SEMA6D: variants seen among roughly 807,000 people sequenced by gnomAD.
SEMA6D encodes semaphorin 6D.
Under a neutral mutation model 106.6 loss-of-function variants are expected in SEMA6D, and 35 were observed. The ratio of observed to expected loss-of-function variants is 0.33; its 90% CI spans 0.25 to 0.44. The LOEUF is 0.44. Among genes scored for constraint, SEMA6D ranks in the 20% least tolerant of loss-of-function variants. The pLI, the probability that SEMA6D is intolerant of heterozygous loss-of-function variation, is 1.00. For missense variants in SEMA6D, 1,185 were observed against 1,345.9 expected, an observed-to-expected ratio of 0.88 and a Z score of 1.87; for synonymous variants, 499 against 487.7, an observed-to-expected ratio of 1.02 and a Z score of -0.31.
chr15:47,637,015 A>T, intron 4 of SEMA6D, among the ~76,000 whole-genome samples: 1 of 152,180 alleles, frequency 6.6e-6, no homozygotes, highest in East Asian at 1.9e-4. Context: ...TTATGTGGAC[A>T]TAAGTGTGAT....
intron 1 of SEMA6D, among the ~76,000 whole-genome samples, chr15:47,363,120 G>T (rs1198643170): frequency 1.3e-5 from 2 of 152,012 alleles, no homozygotes; most frequent in Non-Finnish European, 2.9e-5. Flanking sequence ...CTGTAACTCA[G>T]CTTATCCTTA....
chr15:47,609,066 A>G (rs1242545793), intron 4 of SEMA6D, among the ~76,000 whole-genome samples: 3 of 152,178 alleles, frequency 2.0e-5, no homozygotes, highest in Non-Finnish European at 4.4e-5. Flanking sequence ...ACTCAATACA[A>G]TAGCTTAAAG....
chr15:47,546,289 C>G (rs377001101), intron 3 of SEMA6D, among the ~76,000 whole-genome samples: 1 of 152,108 alleles, frequency 6.6e-6, no homozygotes, highest in Non-Finnish European at 1.5e-5. Flanking sequence ...CCATTTTATC[C>G]TTTGGGAATC....
At chr15:47,538,073 G>C (rs1340067055) in intron 3 of SEMA6D, among the ~76,000 whole-genome samples, 2 of 152,146 alleles carry the variant, frequency 1.3e-5, no homozygotes, top group African/African-American at 4.8e-5. Context: ...AAGCTTGAGA[G>C]CATTACACAG....
chr15:47,393,488 G>A (rs2040108233), intron 1 of SEMA6D: 1 of 152,224 alleles, frequency 6.6e-6, no homozygotes, highest in South Asian at 2.1e-4. Flanking sequence ...GCCATTATCT[G>A]TTGGGGTGAC....
At chr15:47,610,811 A>G (rs16959825) in intron 4 of SEMA6D, among the ~76,000 whole-genome samples, 35,815 of 152,210 alleles carry the variant, frequency 0.24, 5,199 homozygotes, top group East Asian at 0.46. Context: ...AATGCCCAAC[A>G]TGATTGTTTC....
rs367628713 is a variant in SEMA6D at position 47,675,682 on chromosome 15, A to G, written c.-55+74786A>G. Among the ~76,000 whole-genome samples the G allele has an allele frequency of 5.9e-5, 9 of 152,350 alleles. No individual in the cohort carries two copies. The East Asian group carries it at 1.7e-3, about 29-fold the overall frequency. ...AAAATCAGAATAAATGACAGCTTGC[A>G]GAAAACCAGCATTTATTTTGTATGG... On this transcript the variant is annotated intron_variant, in intron 4 of 19. Transcript: ENST00000558014.
intron 2 of SEMA6D, chr15:47,470,425 TGTAGCTATCCCAA>T (rs2042799909): frequency 2.0e-5 from 3 of 151,424 alleles, no homozygotes; most frequent in African/African-American, 7.3e-5. Context: ...TCACAGCATT[TGTAGCTATCCCAA>T]TATATTTTTG....
intron 3 of SEMA6D, among the ~76,000 whole-genome samples, chr15:47,561,295 A>G (rs2046074428): frequency 1.3e-5 from 2 of 152,116 alleles, no homozygotes; most frequent in African/African-American, 4.8e-5. Flanking sequence ...ATTTATTGTC[A>G]TAAACAATGA....
intron 1 of SEMA6D, among the ~76,000 whole-genome samples, chr15:47,216,948 C>A (rs1258886009): frequency 6.6e-6 from 1 of 151,990 alleles, no homozygotes; most frequent in Non-Finnish European, 1.5e-5. Flanking sequence ...AATCCTGACC[C>A]GCAGATAATG....
chr15:47,662,857 G>GCACACACACACACACA (rs140613951), intron 4 of SEMA6D, among the ~76,000 whole-genome samples: 3 of 134,064 alleles, frequency 2.2e-5, no homozygotes, highest in African/African-American at 8.2e-5. Context: ...GTGTATGAGC[G>GCACACACACACACACA]CACACACACA....
chr15:47,744,318 C>T (rs2147127566), intron 1 of SEMA6D, among the ~76,000 whole-genome samples: 1 of 152,320 alleles, frequency 6.6e-6, no homozygotes, highest in African/African-American at 2.4e-5. Context: ...CTAGGCACCC[C>T]AATCCCCACC....
At chr15:47,614,444 C>A (rs1240415837) in intron 4 of SEMA6D, among the ~76,000 whole-genome samples, 2 of 152,206 alleles carry the variant, frequency 1.3e-5, no homozygotes, top group Non-Finnish European at 1.5e-5. Flanking sequence ...TCATTTAATT[C>A]TTTGCAGTTC....
At chr15:47,425,590 C>T (rs2041305321) in intron 2 of SEMA6D, among the ~76,000 whole-genome samples, 1 of 151,734 alleles carries the variant, frequency 6.6e-6, no homozygotes, top group South Asian at 2.1e-4. Context: ...AATAATACTG[C>T]TGTGGTTTTA....
At chr15:47,214,747 T>G (rs2030398423) in intron 1 of SEMA6D, among the ~76,000 whole-genome samples, 2 of 152,336 alleles carry the variant, frequency 1.3e-5, no homozygotes, top group Admixed American at 1.3e-4. Context: ...ATTCACCTTG[T>G]TATTAAGTAA....
At position 47,228,126 on chromosome 15, in the gene SEMA6D, A is replaced by ATG. The variant is rs1472906680; in HGVS notation, c.-239+43718_-239+43719dup. Among the ~76,000 whole-genome samples, 4 of 121,300 alleles carry ATG rather than the reference A, an allele frequency of 3.3e-5. No homozygotes were observed. In the South Asian group the frequency reaches 8.3e-4, roughly 25 times the overall value. The allele number at this position is 121,300 out of a possible 152,430, so 79.6% of individuals were successfully genotyped here. On this transcript the variant is annotated intron_variant, in intron 1 of 19. Transcript: ENST00000558014. The stretch of plus-strand genomic sequence containing the variant: ...TTTATATATATAAGAATTCATATAT[A>ATG]TGTGTGTGTGTACACACACACACAC...
chr15:47,673,480 C>G (rs2078177940), intron 4 of SEMA6D, among the ~76,000 whole-genome samples: 1 of 152,178 alleles, frequency 6.6e-6, no homozygotes, highest in Admixed American at 6.5e-5. Flanking sequence ...TCTGGGAATG[C>G]TGCCTACATG....
At chr15:47,319,787 A>G (rs899708669) in intron 1 of SEMA6D, among the ~76,000 whole-genome samples, 6 of 152,060 alleles carry the variant, frequency 3.9e-5, no homozygotes, top group African/African-American at 9.7e-5. Flanking sequence ...AATATTTACT[A>G]TAGAAACCTG....
In SEMA6D at chr15:47,612,300, C is replaced by A. The variant is rs2076923054; in HGVS notation, c.-55+11404C>A. Among the ~76,000 whole-genome samples, 3 of 152,152 alleles carry A rather than the reference C, an allele frequency of 2.0e-5. No individual in the cohort carries two copies. The South Asian group carries it at 6.2e-4, about 32-fold the overall frequency. On this transcript the variant is annotated intron_variant, in intron 4 of 19. Transcript: ENST00000558014. The stretch of plus-strand genomic sequence containing the variant: ...AGGGCTCATGGTGACTAAGACAGAA[C>A]TTTCTACTGAGAAAATAAGCAATTT...
Sources: allele counts gnomAD v4.1 joint callset (sites outside exome capture counted in the v4.1 genomes callset), GRCh38; gene constraint gnomAD v4.1.1; transcripts MANE v1.5; gene names NCBI Gene and HGNC (gene_info 2026-07-23, HGNC 2026-07-21).